The following IQSEC1 variants were observed in gnomAD, a reference collection of about 807,000 sequenced individuals.
The protein encoded by IQSEC1 is IQ motif and SEC7 domain-containing protein 1.
IQSEC1 carries 31 observed loss-of-function variants against 91.0 expected under a neutral mutation model. That is an observed-to-expected ratio of 0.34 (90% CI 0.26 to 0.46). The LOEUF (loss-of-function observed/expected upper bound fraction) is 0.46, where lower values mean the gene tolerates loss of function less well. Ranked by LOEUF, IQSEC1 falls within the 20% of genes least tolerant of loss-of-function variation. IQSEC1 has a pLI of 1.00. For synonymous variants in IQSEC1, 699 were observed against 662.6 expected (o/e 1.05, Z -0.84); for missense variants, 1,388 against 1,575.6 (o/e 0.88, Z 2.02).
At chr3:12,947,832 C>T (rs1249895114) in intron 1 of IQSEC1, among the ~76,000 whole-genome samples, 2 of 152,244 alleles carry the variant, frequency 1.3e-5, no homozygotes, top group Non-Finnish European at 2.9e-5. Context: ...AAGCTCTTCC[C>T]CCTTCTCCAG....
At chr3:12,984,446 C>G (rs1416135994) in intron 1 of IQSEC1, among the ~76,000 whole-genome samples, 1 of 152,222 alleles carries the variant, frequency 6.6e-6, no homozygotes, top group South Asian at 2.1e-4. Flanking sequence ...CCTCTGCCAA[C>G]TGCCCTCATG....
At chr3:13,110,650 C>T (rs943666844) in intron 2 of IQSEC1, among the ~76,000 whole-genome samples, 10 of 152,190 alleles carry the variant, frequency 6.6e-5, no homozygotes, top group Non-Finnish European at 2.9e-5. Flanking sequence ...ACACCCCTTA[C>T]CACCTGAGCC....
chr3:12,994,576 C>A lies in IQSEC1; in HGVS notation c.24-52711G>T, dbSNP rs921596843. 1.3e-5 allele frequency among the ~76,000 whole-genome samples: 2 copies of A among 152,132 alleles called. No individual in the cohort carries two copies. Among genetic ancestry groups the A allele is most frequent in the African/African-American group, 4.8e-5 (2 of 41,420 alleles). ...CGAACAAACGCACCTCAGGCCAAGT[C>A]CCCCGGCTCCTCCGAGGGAAAGCTG... On this transcript the variant is annotated intron_variant, in intron 1 of 13. Coordinates refer to ENST00000613206, the MANE Select transcript of IQSEC1 (RefSeq NM_001134382.3). This position sits in a 1 kb window ranked among gnomAD's most constrained non-coding sequence, Gnocchi z 4.5.
chr3:13,181,866 A>G (rs1288730310), intron 1 of IQSEC1, among the ~76,000 whole-genome samples: 2 of 152,246 alleles, frequency 1.3e-5, no homozygotes, highest in Non-Finnish European at 2.9e-5. Context: ...AACATATTTT[A>G]TTTAACTTGT....
intron 1 of IQSEC1, among the ~76,000 whole-genome samples, chr3:12,982,086 C>T (rs955505552): frequency 1.3e-5 from 2 of 152,226 alleles, no homozygotes; most frequent in African/African-American, 4.8e-5. Flanking sequence ...CCTGCCTGCC[C>T]ACCTGGGACT....
intron 9 of IQSEC1, among the ~76,000 whole-genome samples, chr3:12,912,763 C>G (rs1695693227): frequency 1.3e-5 from 2 of 151,840 alleles, no homozygotes. Flanking sequence ...AGGACAAGCT[C>G]TCCCTTCTCT....
chr3:13,227,423 GA>G (rs903217439), intron 1 of IQSEC1, among the ~76,000 whole-genome samples: 36 of 130,756 alleles, frequency 2.8e-4, no homozygotes, highest in South Asian at 8.0e-4. Flanking sequence ...AACGAAAAAA[GA>G]AAAAAAAAAT....
In IQSEC1 at chr3:12,924,785, C is replaced by A. The variant is rs1696967320; in HGVS notation, c.1569-43G>T. The A allele has an allele frequency of 6.6e-7, 1 of 1,505,620 alleles. No homozygotes were observed. Among genetic ancestry groups the A allele is most frequent in the Non-Finnish European group, 8.9e-7 (1 of 1,121,126 alleles). 93.3% of individuals were successfully genotyped at this position (1,505,620 alleles called of 1,614,324 possible). ...GCACACTCAGTCCCAGCTGCCCGGC[C>A]ACCAGCCAGGCACCTGGAGGGGATC... On this transcript the variant is annotated intron_variant, in intron 3 of 13. Coordinates refer to ENST00000613206, the MANE Select transcript of IQSEC1 (RefSeq NM_001134382.3). The surrounding 1 kb of genome is among the most constrained non-coding windows in gnomAD (Gnocchi z 6.3).
chr3:13,084,135 A>G (rs1705695850), intron 2 of IQSEC1, among the ~76,000 whole-genome samples: 1 of 152,178 alleles, frequency 6.6e-6, no homozygotes, highest in South Asian at 2.1e-4. Context: ...AAGAGAACTC[A>G]GCTGGTCCCA....
rs553620229 is a variant in IQSEC1, at chr3:12,917,333, A to T, written c.2021-1600T>A. On this transcript the variant is annotated intron_variant, in intron 6 of 13. Coordinates refer to ENST00000613206, the MANE Select transcript of IQSEC1 (RefSeq NM_001134382.3). ...TTTGGGCAAACGTAGAACGACCCTCATCCACCATTATAGCACCACGCAGAA... is the reference window on the plus strand; with the variant it reads ...TTTGGGCAAACGTAGAACGACCCTCTTCCACCATTATAGCACCACGCAGAA... 1.6e-4 allele frequency among the ~76,000 whole-genome samples: 25 copies of T among 152,318 alleles called. No individual in the cohort carries two copies. In the South Asian group the frequency reaches 5.2e-3, roughly 32 times the overall value.
chr3:13,245,505 G>A (rs1374649267), intron 1 of IQSEC1, among the ~76,000 whole-genome samples: 4 of 152,220 alleles, frequency 2.6e-5, no homozygotes, highest in South Asian at 2.1e-4. Context: ...AGTGGCTCAC[G>A]CCTGTAATCC....
intron 2 of IQSEC1, among the ~76,000 whole-genome samples, chr3:13,107,745 G>C (rs913848185): frequency 6.6e-6 from 1 of 152,186 alleles, no homozygotes; most frequent in African/African-American, 2.4e-5. Context: ...GCAGAATCCC[G>C]CCCCTGGGCC....
intron 6 of IQSEC1, among the ~76,000 whole-genome samples, chr3:12,917,840 A>G (rs193242568): frequency 4.6e-5 from 7 of 152,356 alleles, no homozygotes; most frequent in Admixed American, 3.9e-4. Flanking sequence ...TAAAAAATTT[A>G]AGAACAAACT....
At chr3:13,185,051 G>GT in intron 1 of IQSEC1, among the ~76,000 whole-genome samples, 1 of 152,154 alleles carries the variant, frequency 6.6e-6, no homozygotes, top group Non-Finnish European at 1.5e-5. Context: ...AGATGCCAGG[G>GT]GTTTCAGATT....
Position 12,926,692 on chromosome 3 carries a change from C to T in IQSEC1, c.1569-1950G>A, listed in dbSNP as rs544282717. 3.2e-4 allele frequency among the ~76,000 whole-genome samples: 48 copies of T among 152,342 alleles called. No homozygotes were observed. The South Asian group carries it at 4.3e-3, about 14-fold the overall frequency. ...GTAGAAGTCAGCATTCTTCTGTCCCCGGGGTGGGGGGGATGGAGATGAAAC... is the reference window on the plus strand; with the variant it reads ...GTAGAAGTCAGCATTCTTCTGTCCCTGGGGTGGGGGGGATGGAGATGAAAC... On this transcript the variant is annotated intron_variant, in intron 3 of 13. Coordinates refer to ENST00000613206, the MANE Select transcript of IQSEC1 (RefSeq NM_001134382.3).
At chr3:13,165,692 C>T (rs1410817856) in intron 1 of IQSEC1, among the ~76,000 whole-genome samples, 1 of 151,870 alleles carries the variant, frequency 6.6e-6, no homozygotes, top group Non-Finnish European at 1.5e-5. Flanking sequence ...GGACCTGAGC[C>T]CCCTGCCACC....
At chr3:13,128,665 A>T (rs1001433361) in intron 2 of IQSEC1, among the ~76,000 whole-genome samples, 1 of 152,130 alleles carries the variant, frequency 6.6e-6, no homozygotes, top group African/African-American at 2.4e-5. Flanking sequence ...GGAGATCGAG[A>T]CCATCCTGGC....
rs915424835 is a variant in IQSEC1, at chr3:12,908,865, C to G, written c.2579-340G>C. Among the ~76,000 whole-genome samples, 3 of 151,748 alleles carry G rather than the reference C, an allele frequency of 2.0e-5. No homozygotes were observed. The highest frequency in any genetic ancestry group is 7.3e-5 in the African/African-American group (3 of 41,298). On this transcript the variant is annotated intron_variant, in intron 11 of 13. Coordinates refer to ENST00000613206, the MANE Select transcript of IQSEC1 (RefSeq NM_001134382.3). This position sits in a 1 kb window ranked among gnomAD's most constrained non-coding sequence, Gnocchi z 4.9. ...CACAGAGAGGGCAGTGGTAGGGAGTCCCATGTGCCTCCAAGGAGTAGACCT... is the reference window on the plus strand; with the variant it reads ...CACAGAGAGGGCAGTGGTAGGGAGTGCCATGTGCCTCCAAGGAGTAGACCT...
rs935684956 is a variant in IQSEC1 at position 13,276,694 on chromosome 3, C to T, written c.272+6017G>A. Among the ~76,000 whole-genome samples the T allele has an allele frequency of 3.3e-5, 5 of 152,324 alleles. No individual in the cohort carries two copies. The East Asian group carries it at 9.6e-4, about 29-fold the overall frequency. The stretch of plus-strand genomic sequence containing the variant: ...CCAAGGCTGATGGGCTGGAGAAAGG[C>T]ATTGGCAACCTCAAGGCAGCAGCCG... On this transcript the variant is annotated intron_variant, in intron 1 of 15. Transcript: ENST00000648114.
Sources: allele counts gnomAD v4.1 joint callset (sites outside exome capture counted in the v4.1 genomes callset), GRCh38; gene constraint gnomAD v4.1.1; non-coding constraint Gnocchi (gnomAD v3.1); transcripts MANE v1.5; gene names NCBI Gene and HGNC (gene_info 2026-07-23, HGNC 2026-07-21).